SLF1: variants seen among roughly 807,000 people sequenced by gnomAD.
SLF1 encodes the protein SMC5-SMC6 complex localization factor protein 1.
Under a neutral mutation model 123.0 loss-of-function variants are expected in SLF1, and 105 were observed. The ratio of observed to expected loss-of-function variants is 0.85; its 90% confidence interval spans 0.73 to 1.00. The LOEUF (loss-of-function observed/expected upper bound fraction) is 1.00, where lower values mean the gene tolerates loss of function less well. SLF1 is among the 50% of genes least tolerant of loss of function. SLF1 has a pLI of 0.00. For synonymous variants in SLF1, 434 were observed against 406.6 expected (o/e 1.07, Z -0.81); for missense variants, 1,239 against 1,223.0 (o/e 1.01, Z -0.20).
chr5:94,650,590 T>C (rs1004547116), intron 6 of SLF1, among the ~76,000 whole-genome samples: 1 of 152,150 alleles, frequency 6.6e-6, no homozygotes, highest in Non-Finnish European at 1.5e-5. Flanking sequence ...GGTCTCCATC[T>C]CCTGACCTCG....
At chr5:94,650,109 T>C (rs551076524) in intron 6 of SLF1, among the ~76,000 whole-genome samples, 2 of 152,304 alleles carry the variant, frequency 1.3e-5, no homozygotes, top group East Asian at 3.9e-4. Context: ...CAAGTACAAC[T>C]TTTCAAATAG....
Position 94,633,238 on chromosome 5 carries a change from C to T in SLF1, c.431+2495C>T, listed in dbSNP as rs545752228. On this transcript the variant is annotated intron_variant, in intron 4 of 20. Transcript: ENST00000265140. ...CCGACCTCAGGTGATCCGCCCACCT[C>T]GGCCTCCCAAAGTGCTGGGATTACA... Among the ~76,000 whole-genome samples, 50 of 152,284 alleles carry T rather than the reference C, an allele frequency of 3.3e-4. 1 individual carries two copies. The highest frequency in any genetic ancestry group is 1.1e-3 in the African/African-American group (47 of 41,546).
intron 2 of SLF1, 29 bp downstream of exon 2, chr5:94,628,953 A>G (rs1744913673): frequency 4.1e-6 from 6 of 1,475,136 alleles, no homozygotes; most frequent in African/African-American, 2.8e-5. Flanking sequence ...TGTTCAAGAT[A>G]TATTTGAAAA....
intron 10 of SLF1, among the ~76,000 whole-genome samples, chr5:94,663,203 TA>T (rs1477407681): frequency 3.9e-5 from 6 of 152,246 alleles, no homozygotes; most frequent in African/African-American, 1.4e-4. Flanking sequence ...TTAGAGGTAG[TA>T]TTTTCCCTTA....
At chr5:94,684,697 C>CAAAAA (rs397882900) in intron 15 of SLF1, among the ~76,000 whole-genome samples, 4 of 68,844 alleles carry the variant, frequency 5.8e-5, no homozygotes, top group Admixed American at 3.7e-4. Flanking sequence ...GACTCTGTCT[C>CAAAAA]AAAAAAAAAA....
intron 4 of SLF1, among the ~76,000 whole-genome samples, chr5:94,630,976 T>C (rs1258163161): frequency 6.6e-6 from 1 of 151,410 alleles, no homozygotes; most frequent in Non-Finnish European, 1.5e-5. Context: ...ACTTTCCATG[T>C]TATTCCTTTT....
At position 94,689,592 on chromosome 5, in the gene SLF1, AG is replaced by A; in HGVS notation, c.2406del (p.Thr803LeufsTer3). The stretch of plus-strand genomic sequence containing the variant: ...GTAGTTAAAAAGATGAATTTTCACA[AG>A]ACTAATCTAAAAGGTATTCCAAGTA... Reference protein sequence around the residue: ...PSVVKKMNFHKTNLKGETALH... With the variant: ...PSVVKKMNFHXTNLKGETALH... On this transcript the variant is annotated frameshift_variant, in exon 18 of 21. Transcript: ENST00000265140. LOFTEE classifies it high-confidence loss of function. The A allele has an allele frequency of 6.2e-7, 1 of 1,608,904 alleles. No individual in the cohort carries two copies. Among genetic ancestry groups the A allele is most frequent in the Non-Finnish European group, 8.5e-7 (1 of 1,176,428 alleles).
At chr5:94,649,350 GT>G (rs1747417456) in intron 5 of SLF1, 103 bp from the exon 6 acceptor site, 5 of 978,288 alleles carry the variant, frequency 5.1e-6, no homozygotes, top group African/African-American at 1.7e-5. Flanking sequence ...TTACCTACTT[GT>G]TTGACTAACA....
chr5:94,688,561 T>C lies in SLF1; in HGVS notation c.2177T>C (p.Ile726Thr), dbSNP rs1157088304. Residue 726 changes from isoleucine to threonine, a missense_variant, in exon 17 of 21, where the codon ATT (isoleucine) becomes ACT (threonine). Transcript: ENST00000265140. ...GKTGVLGSGKIQVSKKIGQRP... is the reference protein window; with the variant it reads ...GKTGVLGSGKTQVSKKIGQRP... ...ACTGGTGTGCTTGGGTCTGGAAAGA[T>C]TCAGGTGTCAAAGAAAATAGGACAG... The C allele has an allele frequency of 1.2e-6, 2 of 1,614,116 alleles. No homozygotes were observed. Among genetic ancestry groups the C allele is most frequent in the South Asian group, 1.1e-5 (1 of 91,078 alleles).
chr5:94,694,795 G>A (rs779011493), intron 20 of SLF1, 36 bp from the exon 21 acceptor site: 4 of 1,519,220 alleles, frequency 2.6e-6, no homozygotes, highest in Non-Finnish European at 3.5e-6. Context: ...AAATAGAAAT[G>A]TTTTACTTGC....
intron 4 of SLF1, among the ~76,000 whole-genome samples, chr5:94,641,600 C>G (rs1746455404): frequency 6.6e-6 from 1 of 152,148 alleles, no homozygotes; most frequent in African/African-American, 2.4e-5. Context: ...TGGAGCGTTT[C>G]TCATCACTAT....
chr5:94,630,190 A>C (rs1239421468), intron 3 of SLF1, among the ~76,000 whole-genome samples: 2 of 152,194 alleles, frequency 1.3e-5, no homozygotes, highest in Non-Finnish European at 2.9e-5. Flanking sequence ...CTTTAGATTT[A>C]TGTTTAGAAT....
Position 94,692,129 on chromosome 5 carries a change from T to G in SLF1, c.2568T>G (p.Cys856Trp). 6.2e-7 allele frequency: 1 copy of G among 1,613,904 alleles called. No homozygotes were observed. The change falls in exon 20 of 21, where the codon TGT becomes TGG. Residue 856 changes from cysteine (C) to tryptophan (W), a missense_variant. Cys to Trp is a radical substitution (Grantham distance 215). Transcript: ENST00000265140. Reference sequence around the variant, plus strand: ...CCTGTAACTATGGCAACACAGTGTGTGTCCAGGAAATTTTGCAACGTTGTC... The same window carrying G: ...CCTGTAACTATGGCAACACAGTGTGGGTCCAGGAAATTTTGCAACGTTGTC... ...HEACNYGNTVCVQEILQRCPE... is the reference protein window; with the variant it reads ...HEACNYGNTVWVQEILQRCPE...
chr5:94,684,057 T>G (rs1752113262), intron 15 of SLF1, among the ~76,000 whole-genome samples: 2 of 151,780 alleles, frequency 1.3e-5, no homozygotes, highest in Admixed American at 1.3e-4. Flanking sequence ...ATATTAATAC[T>G]TTGTATTCCT....
At chr5:94,636,515 T>C (rs2152470069) in intron 4 of SLF1, among the ~76,000 whole-genome samples, 1 of 152,252 alleles carries the variant, frequency 6.6e-6, no homozygotes, top group Middle Eastern at 3.4e-3. Context: ...ACTGATTCTT[T>C]CCTCTGTTTG....
chr5:94,670,054 A>G, intron 12 of SLF1, 97 bp from the exon 13 acceptor site: 7 of 1,191,396 alleles, frequency 5.9e-6, no homozygotes, highest in Non-Finnish European at 6.7e-6. Context: ...AAATTTTATT[A>G]AAATTCCAGC....
chr5:94,691,455 T>A (rs1017185964), intron 18 of SLF1, 109 bp from the exon 19 acceptor site: 2 of 622,946 alleles, frequency 3.2e-6, no homozygotes, highest in South Asian at 1.9e-5. Context: ...AAGAACTCAA[T>A]AAATAAATTT....
intron 18 of SLF1, 60 bp downstream of exon 18, chr5:94,689,666 T>TG (rs1219519786): frequency 1.3e-6 from 2 of 1,492,022 alleles, no homozygotes; most frequent in East Asian, 4.6e-5. Context: ...AGTCAGTACT[T>TG]GCAGGTTTCA....
At chr5:94,667,699 C>G (rs1333163789) in intron 12 of SLF1, among the ~76,000 whole-genome samples, 1 of 152,100 alleles carries the variant, frequency 6.6e-6, no homozygotes, top group East Asian at 1.9e-4. Flanking sequence ...TTTCCATATC[C>G]TGTCTTTTGC....
Sources: allele counts gnomAD v4.1 joint callset (sites outside exome capture counted in the v4.1 genomes callset), GRCh38; gene constraint gnomAD v4.1.1; transcripts MANE v1.5; gene names NCBI Gene and HGNC (gene_info 2026-07-23, HGNC 2026-07-21).